The following CUX1 variants were observed in gnomAD, a reference collection of about 807,000 sequenced individuals.
CUX1 encodes cut like homeobox 1.
In CUX1, 31 loss-of-function variants were observed where a neutral mutation model predicts 158.8. The observed-to-expected ratio is 0.20, with a 90% CI of 0.15 to 0.26. The LOEUF (loss-of-function observed/expected upper bound fraction) is 0.26, where lower values mean the gene tolerates loss of function less well. CUX1 is among the 10% of genes least tolerant of loss of function. The pLI, the probability that CUX1 is intolerant of heterozygous loss-of-function variation, is 1.00. For missense variants in CUX1, 1,589 were observed against 2,014.6 expected, an observed-to-expected ratio of 0.79 and a Z score of 4.04; for synonymous variants, 879 against 862.1, an observed-to-expected ratio of 1.02 and a Z score of -0.34.
chr7:101,848,271 T>C (rs1415013743), intron 1 of CUX1, among the ~76,000 whole-genome samples: 4 of 152,056 alleles, frequency 2.6e-5, no homozygotes, highest in Non-Finnish European at 5.9e-5. Context: ...ATTCAAAATA[T>C]CTGCTTACAC....
At chr7:102,076,927 A>G (rs1826796957) in intron 4 of CUX1, among the ~76,000 whole-genome samples, 1 of 151,724 alleles carries the variant, frequency 6.6e-6, no homozygotes. Context: ...CCAGCTGCTC[A>G]GGAGGCTGCG....
At chr7:101,865,375 C>A (rs910407775) in intron 1 of CUX1, among the ~76,000 whole-genome samples, 2 of 152,194 alleles carry the variant, frequency 1.3e-5, no homozygotes, top group African/African-American at 4.8e-5. Context: ...GAACATATTT[C>A]CTGATGTGGT....
intron 1 of CUX1, among the ~76,000 whole-genome samples, chr7:101,889,427 G>T (rs1292273782): frequency 6.6e-6 from 1 of 152,088 alleles, no homozygotes; most frequent in Admixed American, 6.6e-5. Context: ...CAGCTTTATG[G>T]GATTCATAAA....
downstream of CUX1, among the ~76,000 whole-genome samples, chr7:102,261,671 A>C (rs1790410544): frequency 6.6e-6 from 1 of 152,050 alleles, no homozygotes; most frequent in African/African-American, 2.4e-5. Flanking sequence ...CTCTGTGGTC[A>C]GGAGACACTG....
chr7:101,846,551 C>A (rs752325251), intron 1 of CUX1, among the ~76,000 whole-genome samples: 18 of 152,092 alleles, frequency 1.2e-4, no homozygotes, highest in Admixed American at 2.0e-4. Context: ...TGGTCTTGAA[C>A]TCTTTGGCCT....
downstream of CUX1, among the ~76,000 whole-genome samples, chr7:102,258,490 TACTTGCTGTTGTC>T (rs1294104798): frequency 1.3e-5 from 2 of 152,236 alleles, no homozygotes; most frequent in Non-Finnish European, 2.9e-5. Flanking sequence ...CCTGCGTTCC[TACTTGCTGTTGTC>T]ACCAGCACTG....
intron 2 of CUX1, among the ~76,000 whole-genome samples, chr7:101,976,450 G>A (rs997168641): frequency 1.3e-5 from 2 of 152,122 alleles, no homozygotes; most frequent in South Asian, 2.1e-4. Context: ...CCAAAAATAT[G>A]CATAAGGAAT....
chr7:102,082,042 A>G (rs782675766), intron 4 of CUX1, among the ~76,000 whole-genome samples: 6 of 146,538 alleles, frequency 4.1e-5, no homozygotes, highest in Non-Finnish European at 9.2e-5. Context: ...AGTCCTAGTG[A>G]GCCAGCAGCC....
intron 4 of CUX1, 144 bp from the exon 5 acceptor site, chr7:102,097,220 G>A (rs1829289592): frequency 1.1e-6 from 1 of 951,092 alleles, no homozygotes. Context: ...CCCAGCAAGG[G>A]GGCTGGCTGC....
In CUX1 at chr7:102,254,755, G is replaced by A. The variant is rs1163831071; in HGVS notation, c.*5713G>A. 30 of 985,388 alleles carry A rather than the reference G, an allele frequency of 3.0e-5. 1 individual carries two copies. The highest frequency in any genetic ancestry group is 3.5e-5 in the Non-Finnish European group (29 of 829,988). 61.0% of individuals were successfully genotyped at this position (985,388 alleles called of 1,614,324 possible). ...GGGCAGGGCTTGTGCCCTGAGTGGC[G>A]AGGTGGTGACCTGAGGCCAGTGTGA... On this transcript the variant is annotated 3_prime_UTR_variant, in exon 24 of 24. Transcript: ENST00000292535.
At chr7:102,215,421 C>T (rs1554524276) in intron 20 of CUX1, among the ~76,000 whole-genome samples, 1 of 151,960 alleles carries the variant, frequency 6.6e-6, no homozygotes, top group African/African-American at 2.4e-5. Flanking sequence ...GCTGGGATGC[C>T]GCTCTTTCAC....
chr7:102,097,583 TTTGA>T, intron 5 of CUX1, 82 bp downstream of exon 5: 1 of 1,404,272 alleles, frequency 7.1e-7, no homozygotes, highest in Non-Finnish European at 9.6e-7. Flanking sequence ...TTCCCATACT[TTTGA>T]GACCAGCTCT....
chr7:102,122,028 G>A (rs1440618449), intron 8 of CUX1, among the ~76,000 whole-genome samples: 1 of 152,150 alleles, frequency 6.6e-6, no homozygotes, highest in Admixed American at 6.6e-5. Flanking sequence ...AAGACTCACA[G>A]AACTGGGGCC....
intron 3 of CUX1, among the ~76,000 whole-genome samples, chr7:102,030,689 G>GTTTTTTTTT (rs1585341128): frequency 1.2e-5 from 1 of 82,540 alleles, no homozygotes; most frequent in Non-Finnish European, 2.1e-5. Context: ...ATTTTAAAAA[G>GTTTTTTTTT]TGTTTTTTTT....
chr7:102,213,498 T>C (rs1412541876), intron 20 of CUX1, among the ~76,000 whole-genome samples: 2 of 152,214 alleles, frequency 1.3e-5, no homozygotes, highest in African/African-American at 4.8e-5. Context: ...CCCGTCGCTT[T>C]CCCTGGACCC....
intron 17 of CUX1, chr7:102,275,392 T>C (rs1554547547): frequency 1.3e-6 from 2 of 1,548,632 alleles, no homozygotes; most frequent in South Asian, 2.3e-5. Context: ...TGATGCTCCT[T>C]GGGCCCAAGG....
At chr7:102,064,157 C>CTGAG (rs1825275151) in intron 3 of CUX1, among the ~76,000 whole-genome samples, 1 of 151,880 alleles carries the variant, frequency 6.6e-6, no homozygotes, top group African/African-American at 2.4e-5. Flanking sequence ...AGGCTGCAGG[C>CTGAG]CAGTGTCTAA....
chr7:102,003,614 C>A (rs1405030572), intron 2 of CUX1, among the ~76,000 whole-genome samples: 1 of 152,144 alleles, frequency 6.6e-6, no homozygotes, highest in Non-Finnish European at 1.5e-5. Context: ...TCTGGTGCAG[C>A]CCCACCACTT....
chr7:101,836,555 T>C (rs1794652138), intron 1 of CUX1, among the ~76,000 whole-genome samples: 1 of 151,078 alleles, frequency 6.6e-6, no homozygotes, highest in Non-Finnish European at 1.5e-5. Context: ...TCTAAATCAA[T>C]CCTTGGCCAG....
Sources: allele counts gnomAD v4.1 joint callset (sites outside exome capture counted in the v4.1 genomes callset), GRCh38; gene constraint gnomAD v4.1.1; transcripts MANE v1.5; gene names NCBI Gene and HGNC (gene_info 2026-07-23, HGNC 2026-07-21).